Variants in LRP1B observed in about 807,000 individuals in gnomAD.
LRP1B encodes the protein low-density lipoprotein receptor-related protein 1B.
In LRP1B, 217 loss-of-function variants were observed where a neutral mutation model predicts 556.6. The observed-to-expected ratio is 0.39, with a 90% CI of 0.35 to 0.44. LRP1B has a LOEUF of 0.44. LRP1B is among the 20% of genes least tolerant of loss of function. LRP1B has a pLI of 1.00. For missense variants in LRP1B, 5,053 were observed against 5,620.8 expected (o/e 0.90, Z 3.23); for synonymous variants, 2,047 against 1,865.8 (o/e 1.10, Z -2.50).
At chr2:141,717,030 A>G (rs1692628769) in intron 2 of LRP1B, among the ~76,000 whole-genome samples, 1 of 152,140 alleles carries the variant, frequency 6.6e-6, no homozygotes, top group Non-Finnish European at 1.5e-5. Flanking sequence ...TGAGGTGCTC[A>G]TGCAGTTCTC....
At chr2:141,571,617 G>A (rs1043901987) in intron 2 of LRP1B, among the ~76,000 whole-genome samples, 1 of 152,052 alleles carries the variant, frequency 6.6e-6, no homozygotes, top group African/African-American at 2.4e-5. Context: ...CAGAATATGG[G>A]TAATCAAAAA....
chr2:140,345,755 TATAC>T (rs1253136067), intron 77 of LRP1B, among the ~76,000 whole-genome samples: 2 of 129,740 alleles, frequency 1.5e-5, no homozygotes, highest in Non-Finnish European at 3.4e-5. Flanking sequence ...TATACACATA[TATAC>T]ATATATACAC....
At chr2:140,936,839 A>G (rs1279579570) in intron 20 of LRP1B, among the ~76,000 whole-genome samples, 1 of 152,134 alleles carries the variant, frequency 6.6e-6, no homozygotes, top group East Asian at 1.9e-4. Context: ...CAGACATACA[A>G]TGTATTAGGT....
chr2:141,311,073 C>T (rs563251013), intron 3 of LRP1B, among the ~76,000 whole-genome samples: 155 of 152,286 alleles, frequency 1.0e-3, no homozygotes, highest in African/African-American at 3.4e-3. Context: ...CTCCAAAAAG[C>T]ATTGACCTGC....
chr2:140,602,584 T>A (rs1682714034), intron 41 of LRP1B, among the ~76,000 whole-genome samples: 2 of 151,986 alleles, frequency 1.3e-5, no homozygotes, highest in Non-Finnish European at 2.9e-5. Flanking sequence ...TCTCAAAGAA[T>A]CCCTAATAGG....
chr2:141,799,878 A>T (rs897381658), intron 2 of LRP1B, among the ~76,000 whole-genome samples: 2 of 151,544 alleles, frequency 1.3e-5, no homozygotes, highest in African/African-American at 2.4e-5. Context: ...TTTTTTCCAG[A>T]TTAATTTGTT....
At chr2:141,252,722 T>C (rs773015427) in intron 4 of LRP1B, among the ~76,000 whole-genome samples, 2 of 152,154 alleles carry the variant, frequency 1.3e-5, no homozygotes, top group African/African-American at 2.4e-5. Flanking sequence ...GAGGTGGAAC[T>C]CCACAACATT....
chr2:141,903,663 C>T (rs546315597), intron 1 of LRP1B, among the ~76,000 whole-genome samples: 44 of 152,040 alleles, frequency 2.9e-4, no homozygotes, highest in African/African-American at 1.0e-3. Context: ...GCATTTTCTA[C>T]ATGCTAGGCA....
intron 7 of LRP1B, among the ~76,000 whole-genome samples, chr2:141,078,346 A>T (rs1481836735): frequency 6.6e-6 from 1 of 152,116 alleles, no homozygotes; most frequent in Non-Finnish European, 1.5e-5. Flanking sequence ...TCTCCCACAG[A>T]ATTTCAGTCC....
intron 1 of LRP1B, among the ~76,000 whole-genome samples, chr2:142,095,388 T>C (rs1418992090): frequency 6.6e-6 from 1 of 151,840 alleles, no homozygotes; most frequent in Non-Finnish European, 1.5e-5. Flanking sequence ...CTCCATAGTT[T>C]ATAGTTCCCT....
chr2:140,530,521 TACTCTACAAGG>T (rs1412861231), intron 47 of LRP1B, among the ~76,000 whole-genome samples: 1 of 152,038 alleles, frequency 6.6e-6, no homozygotes, highest in Admixed American at 6.6e-5. Context: ...TCTTGAAAGG[TACTCTACAAGG>T]ACACTATGTT....
chr2:141,580,174 C>T (rs10203978), intron 2 of LRP1B, among the ~76,000 whole-genome samples: 63,695 of 151,820 alleles, frequency 0.42, 13,859 homozygotes, highest in Non-Finnish European at 0.49. Context: ...ATTTTAGGCA[C>T]TAATTTAGAT....
chr2:140,342,555 G>A (rs1681448773), intron 77 of LRP1B, among the ~76,000 whole-genome samples: 1 of 151,532 alleles, frequency 6.6e-6, no homozygotes, highest in Admixed American at 6.6e-5. Flanking sequence ...ATGAATGACT[G>A]TGGAGTTCAT....
chr2:140,546,475 A>G (rs975833213), intron 43 of LRP1B, among the ~76,000 whole-genome samples: 6 of 152,154 alleles, frequency 3.9e-5, no homozygotes, highest in African/African-American at 1.4e-4. Flanking sequence ...ACTTACAATA[A>G]TGGCAGAAGG....
chr2:141,054,308 A>T (rs1012510797), intron 10 of LRP1B, among the ~76,000 whole-genome samples: 4 of 151,994 alleles, frequency 2.6e-5, no homozygotes, highest in Admixed American at 1.3e-4. Context: ...CACTGTAAAA[A>T]GCAGTCATCA....
chr2:142,004,675 G>A (rs1209260262), intron 1 of LRP1B, among the ~76,000 whole-genome samples: 4 of 151,906 alleles, frequency 2.6e-5, no homozygotes, highest in African/African-American at 4.8e-5. Context: ...CCAAAACCCC[G>A]TCTTTACTAA....
chr2:141,256,910 T>C (rs1042430129), intron 3 of LRP1B, among the ~76,000 whole-genome samples: 25 of 152,030 alleles, frequency 1.6e-4, no homozygotes, highest in African/African-American at 5.3e-4. Context: ...AGAAGAATAC[T>C]TGGGTTACAA....
At chr2:141,320,734 T>G (rs111781518) in intron 3 of LRP1B, among the ~76,000 whole-genome samples, 3,248 of 152,242 alleles carry the variant, frequency 0.021, 59 homozygotes, top group South Asian at 0.035. Context: ...TGCTTCCTCA[T>G]TCTCTTGACA....
intron 1 of LRP1B, among the ~76,000 whole-genome samples, chr2:142,106,825 C>A (rs2104979967): frequency 6.6e-6 from 1 of 152,164 alleles, no homozygotes; most frequent in Non-Finnish European, 1.5e-5. Context: ...CAATGCTATG[C>A]AACAATTATT....
Sources: gnomAD v4.1 joint callset for allele counts (sites outside exome capture counted in the v4.1 genomes callset) on GRCh38, gnomAD v4.1.1 for gene constraint, MANE v1.5 for transcripts, NCBI Gene and HGNC (gene_info 2026-07-23, HGNC 2026-07-21) for gene names.